The following OLA1 variants were observed in gnomAD, a reference collection of about 807,000 sequenced individuals.
The protein encoded by OLA1 is Obg like ATPase 1.
Under a neutral mutation model 48.4 loss-of-function variants are expected in OLA1, and 14 were observed. The observed-to-expected ratio is 0.29, with a 90% CI of 0.19 to 0.45. The LOEUF is 0.45. OLA1 is among the 20% of genes least tolerant of loss of function. The pLI is 1.00. For missense variants in OLA1, 325 were observed against 467.1 expected (o/e 0.70, Z 2.80); for synonymous variants, 127 against 150.4 (o/e 0.84, Z 1.14).
At chr2:174,145,917 T>A (rs1686585696) in intron 4 of OLA1, among the ~76,000 whole-genome samples, 1 of 152,184 alleles carries the variant, frequency 6.6e-6, no homozygotes, top group African/African-American at 2.4e-5. Flanking sequence ...TAGGGCAATA[T>A]GATAGAGCAC....
chr2:174,113,172 T>C (rs1225450964), intron 7 of OLA1, among the ~76,000 whole-genome samples: 4 of 152,208 alleles, frequency 2.6e-5, no homozygotes, highest in African/African-American at 9.7e-5. Flanking sequence ...CTCAAACTCC[T>C]GACCTCAGGT....
chr2:174,211,180 A>AACACACACACACACACACACACACAC (rs10563036), intron 4 of OLA1, among the ~76,000 whole-genome samples: 2 of 148,666 alleles, frequency 1.3e-5, no homozygotes, highest in Admixed American at 1.3e-4. Flanking sequence ...TCCTCCCCAC[A>AACACACACACACACACACACACACAC]ACACACACAC....
chr2:174,146,260 T>C (rs866910929), intron 4 of OLA1, among the ~76,000 whole-genome samples: 9 of 152,326 alleles, frequency 5.9e-5, no homozygotes, highest in Non-Finnish European at 8.8e-5. Flanking sequence ...ATTGACTGGA[T>C]AGTTTTAAAC....
intron 4 of OLA1, among the ~76,000 whole-genome samples, chr2:174,183,701 T>A (rs1180120957): frequency 6.6e-6 from 1 of 152,230 alleles, no homozygotes; most frequent in African/African-American, 2.4e-5. Flanking sequence ...CAAGTCAAAA[T>A]CTAAGTCTCA....
At chr2:174,192,460 C>T (rs539625515) in intron 4 of OLA1, among the ~76,000 whole-genome samples, 7 of 152,246 alleles carry the variant, frequency 4.6e-5, no homozygotes, top group Admixed American at 1.3e-4. Context: ...ATATTTGGTA[C>T]GTGCTCATTC....
intron 4 of OLA1, among the ~76,000 whole-genome samples, chr2:174,179,683 TTC>T (rs1459650348): frequency 6.6e-6 from 1 of 152,046 alleles, no homozygotes; most frequent in African/African-American, 2.4e-5. Context: ...GACTAAATGG[TTC>T]CACTGGGCTT....
chr2:174,199,250 GC>G (rs1444939317), intron 4 of OLA1, among the ~76,000 whole-genome samples: 1 of 152,120 alleles, frequency 6.6e-6, no homozygotes, highest in African/African-American at 2.4e-5. Context: ...GTATCTGGCA[GC>G]CATTTTCTTG....
chr2:174,142,041 T>C (rs756337493), intron 4 of OLA1, 41 bp from the exon 5 acceptor site: 1 of 1,522,560 alleles, frequency 6.6e-7, no homozygotes, highest in Non-Finnish European at 9.1e-7. Flanking sequence ...AAACAAATAA[T>C]ACAGCGTGTT....
At chr2:174,216,322 T>C (rs1353508528) in intron 4 of OLA1, among the ~76,000 whole-genome samples, 1 of 151,582 alleles carries the variant, frequency 6.6e-6, no homozygotes, top group Admixed American at 6.6e-5. Flanking sequence ...AATAATAAAA[T>C]AAAAAATAAC....
At chr2:174,174,501 T>C (rs1319571163) in intron 4 of OLA1, among the ~76,000 whole-genome samples, 1 of 151,974 alleles carries the variant, frequency 6.6e-6, no homozygotes, top group Non-Finnish European at 1.5e-5. Context: ...CTCAGCAAAC[T>C]AGGAATAACG....
At chr2:174,110,601 C>T (rs1274432494) in intron 7 of OLA1, among the ~76,000 whole-genome samples, 1 of 151,762 alleles carries the variant, frequency 6.6e-6, no homozygotes, top group Non-Finnish European at 1.5e-5. Context: ...CAGGCCATCA[C>T]AAGAGGCTAA....
At chr2:174,200,475 T>C (rs1574546557) in intron 4 of OLA1, among the ~76,000 whole-genome samples, 2 of 152,026 alleles carry the variant, frequency 1.3e-5, no homozygotes, top group East Asian at 3.9e-4. Flanking sequence ...GGGGAGGATA[T>C]AAAAAGATAG....
Position 174,081,184 on chromosome 2 carries a change from C to T in OLA1, c.934G>A (p.Gly312Ser). ...GTCCATGCACGCACTTCATCTGGGC[C>T]TGCAGTGAAAAAGTATTCTAGTTGG... The part of the protein sequence containing the change: ...ALQLEYFFTA[G>S]PDEVRAWTIR... Residue 312 changes from glycine (G) to serine (S), a missense_variant, in exon 9 of 11, where the codon GGC becomes AGC. Gly to Ser is a moderately conservative substitution (Grantham distance 56, BLOSUM62 0). Transcript: ENST00000284719. The T allele has an allele frequency of 6.2e-7, 1 of 1,612,142 alleles. No individual in the cohort carries two copies. The highest frequency in any genetic ancestry group is 8.5e-7 in the Non-Finnish European group (1 of 1,178,972).
rs1278117200 is a variant in OLA1 at position 174,141,893 on chromosome 2, C to G, written c.481G>C (p.Gly161Arg). The G allele has an allele frequency of 6.2e-7, 1 of 1,612,316 alleles. No homozygotes were observed. The highest frequency in any genetic ancestry group is 1.7e-5 in the Admixed American group (1 of 60,006). Residue 161 changes from glycine (G) to arginine (R), a missense_variant, in exon 5 of 11, where the codon GGG becomes CGG. Coordinates refer to ENST00000284719, the MANE Select transcript of OLA1 (RefSeq NM_013341.5). ...ELQLKDEEMI[G>R]PIIDKLEKVA... ...TTTTCTAGTTTATCTATAATGGGCC[C>G]AATCATTTCCTCATCTTTAAGCTGA...
At chr2:174,111,253 A>C (rs1356743651) in intron 7 of OLA1, among the ~76,000 whole-genome samples, 1 of 152,226 alleles carries the variant, frequency 6.6e-6, no homozygotes. Flanking sequence ...GATAGGTATA[A>C]GTTTCTGTGT....
At chr2:174,245,029 A>C (rs906066661) in intron 2 of OLA1, among the ~76,000 whole-genome samples, 2 of 152,212 alleles carry the variant, frequency 1.3e-5, no homozygotes, top group African/African-American at 4.8e-5. Flanking sequence ...AAAACACTTA[A>C]TATGGCCCAT....
At chr2:174,165,299 T>C (rs982484715) in intron 4 of OLA1, among the ~76,000 whole-genome samples, 3 of 152,148 alleles carry the variant, frequency 2.0e-5, no homozygotes, top group African/African-American at 4.8e-5. Flanking sequence ...GCATAAGGTA[T>C]ATTCAGAAAA....
chr2:174,115,880 T>C (rs1057238826), intron 7 of OLA1, among the ~76,000 whole-genome samples: 9 of 152,188 alleles, frequency 5.9e-5, no homozygotes, highest in Non-Finnish European at 1.3e-4. Context: ...TAAATGTCTG[T>C]TTGTTGGATG....
chr2:174,144,976 AT>A, intron 4 of OLA1, among the ~76,000 whole-genome samples: 1 of 134,472 alleles, frequency 7.4e-6, no homozygotes, highest in Non-Finnish European at 1.6e-5. Context: ...ATATATATAT[AT>A]ATATAATCAC....
Sources: allele counts gnomAD v4.1 joint callset (sites outside exome capture counted in the v4.1 genomes callset), GRCh38; gene constraint gnomAD v4.1.1; transcripts MANE v1.5; gene names NCBI Gene and HGNC (gene_info 2026-07-23, HGNC 2026-07-21).